FBXW7: variants seen among roughly 807,000 people sequenced by gnomAD.
FBXW7 encodes the protein F-box/WD repeat-containing protein 7.
Under a neutral mutation model 86.3 loss-of-function variants are expected in FBXW7, and 11 were observed. The observed-to-expected ratio is 0.13, with a 90% CI of 0.08 to 0.21. The LOEUF (loss-of-function observed/expected upper bound fraction) is 0.21, where lower values mean the gene tolerates loss of function less well. FBXW7 is among the 10% of genes least tolerant of loss of function. FBXW7 has a pLI of 1.00. For synonymous variants in FBXW7, 313 were observed against 297.9 expected, an observed-to-expected ratio of 1.05 and a Z score of -0.52; for missense variants, 488 against 847.4, an observed-to-expected ratio of 0.58 and a Z score of 5.27.
At chr4:152,324,158 C>A in intron 13 of FBXW7, 26 bp downstream of exon 13, 1 of 1,577,108 alleles carries the variant, frequency 6.3e-7, no homozygotes, top group South Asian at 1.1e-5. Flanking sequence ...TTTTAATGAA[C>A]AAAACGAAAG....
chr4:152,361,469 T>C (rs1421942418), intron 4 of FBXW7, among the ~76,000 whole-genome samples: 2 of 152,160 alleles, frequency 1.3e-5, no homozygotes. Context: ...GGTCAATAAA[T>C]ATTTTCAAGA....
intron 13 of FBXW7, 132 bp from the exon 14 acceptor site, chr4:152,323,281 C>G (rs1382920668): frequency 2.8e-6 from 3 of 1,070,502 alleles, no homozygotes; most frequent in Non-Finnish European, 3.9e-6. Flanking sequence ...TATTTAGAAA[C>G]CCATGTCCTC....
chr4:152,454,326 T>C (rs973175296), intron 2 of FBXW7, among the ~76,000 whole-genome samples: 1 of 145,112 alleles, frequency 6.9e-6, no homozygotes. Flanking sequence ...TATTCTGAAA[T>C]TGTCTGTGCT....
chr4:152,490,939 T>C (rs1450546378), intron 2 of FBXW7, among the ~76,000 whole-genome samples: 4 of 151,908 alleles, frequency 2.6e-5, no homozygotes, highest in Non-Finnish European at 4.4e-5. Flanking sequence ...CCAAAACTAA[T>C]AGTCAAAGGA....
intron 4 of FBXW7, among the ~76,000 whole-genome samples, chr4:152,371,383 G>T (rs1319227031): frequency 6.6e-6 from 1 of 151,786 alleles, no homozygotes; most frequent in Non-Finnish European, 1.5e-5. Context: ...AAAGAAAGTT[G>T]TTTCACAAAA....
At chr4:152,500,427 C>T (rs1265015558) in intron 2 of FBXW7, among the ~76,000 whole-genome samples, 1 of 134,040 alleles carries the variant, frequency 7.5e-6, no homozygotes, top group Non-Finnish European at 1.5e-5. Context: ...AAGCATGTTT[C>T]TTTCTCTCTC....
intron 2 of FBXW7, among the ~76,000 whole-genome samples, chr4:152,439,248 G>T (rs916709125): frequency 1.3e-5 from 2 of 151,732 alleles, no homozygotes; most frequent in South Asian, 2.1e-4. Flanking sequence ...TTTTTTTAAG[G>T]GGTGAGAGGC....
chr4:152,386,671 C>G (rs1319492681), intron 4 of FBXW7, among the ~76,000 whole-genome samples: 1 of 152,002 alleles, frequency 6.6e-6, no homozygotes, highest in African/African-American at 2.4e-5. Context: ...GTATCTTAGC[C>G]ATAGTGTCTT....
At chr4:152,384,496 G>C (rs751026057) in intron 4 of FBXW7, among the ~76,000 whole-genome samples, 1 of 151,988 alleles carries the variant, frequency 6.6e-6, no homozygotes, top group Non-Finnish European at 1.5e-5. Flanking sequence ...ATAGAAAACA[G>C]AATCATGGTT....
intron 2 of FBXW7, among the ~76,000 whole-genome samples, chr4:152,431,618 A>C (rs1376674644): frequency 6.6e-6 from 1 of 152,200 alleles, no homozygotes. Flanking sequence ...GCACAGTCCA[A>C]AACAATGGTG....
chr4:152,331,377 T>C (rs1294057454), intron 8 of FBXW7, among the ~76,000 whole-genome samples: 2 of 152,056 alleles, frequency 1.3e-5, no homozygotes, highest in African/African-American at 2.4e-5. Context: ...ATTAGATACA[T>C]ATACACAATG....
chr4:152,462,973 T>A (rs1437896176), intron 2 of FBXW7, among the ~76,000 whole-genome samples: 1 of 151,176 alleles, frequency 6.6e-6, no homozygotes, highest in Admixed American at 6.6e-5. Context: ...TCTTGTCTGG[T>A]ATATTACTTG....
chr4:152,333,588 A>G (rs1169416585), intron 7 of FBXW7, among the ~76,000 whole-genome samples: 2 of 152,206 alleles, frequency 1.3e-5, no homozygotes, highest in Non-Finnish European at 2.9e-5. Context: ...ATTTAAATAG[A>G]GCAATTAAGT....
chr4:152,471,490 G>A (rs1406123576), intron 2 of FBXW7, among the ~76,000 whole-genome samples: 1 of 128,162 alleles, frequency 7.8e-6, no homozygotes, highest in African/African-American at 3.0e-5. Flanking sequence ...GGAGGGAAAG[G>A]GGGAGGGAAG....
At chr4:152,444,402 G>A (rs1035093043) in intron 2 of FBXW7, among the ~76,000 whole-genome samples, 4 of 151,652 alleles carry the variant, frequency 2.6e-5, no homozygotes, top group African/African-American at 7.3e-5. Context: ...ATAATGGTAC[G>A]AACATCCTTG....
intron 4 of FBXW7, among the ~76,000 whole-genome samples, chr4:152,359,996 G>A (rs570051439): frequency 2.8e-4 from 42 of 152,258 alleles, no homozygotes; most frequent in Non-Finnish European, 5.6e-4. Flanking sequence ...ATGGAAATAC[G>A]ACTATTATTA....
chr4:152,489,386 A>C (rs765680332), intron 2 of FBXW7: 1 of 153,018 alleles, frequency 6.5e-6, no homozygotes, highest in Non-Finnish European at 1.5e-5. Flanking sequence ...AGAATACATA[A>C]AGCTTTTGGT....
chr4:152,472,527 T>C (rs1425412655), intron 2 of FBXW7, among the ~76,000 whole-genome samples: 1 of 152,152 alleles, frequency 6.6e-6, no homozygotes. Flanking sequence ...AGAAGCCAGT[T>C]TGAAAAAACT....
rs1328365118 is a variant in FBXW7 at position 152,406,614 on chromosome 4, T to C, written c.501+4689A>G. Among the ~76,000 whole-genome samples, 5 of 152,352 alleles carry C rather than the reference T, an allele frequency of 3.3e-5. No homozygotes were observed. In the East Asian group the frequency reaches 9.6e-4, roughly 29 times the overall value. On this transcript the variant is annotated intron_variant, in intron 4 of 13. Transcript: ENST00000281708. ...TGGAAGATTCATTAAAGCATTTAAA[T>C]ATACAGAAGCTTTAGTTAAAGATTA...
Sources: allele counts gnomAD v4.1 joint callset (sites outside exome capture counted in the v4.1 genomes callset), GRCh38; gene constraint gnomAD v4.1.1; transcripts MANE v1.5; gene names NCBI Gene and HGNC (gene_info 2026-07-23, HGNC 2026-07-21).